Variants in GRM2 observed in about 807,000 individuals in gnomAD.
The protein encoded by GRM2 is metabotropic glutamate receptor 2.
Under a neutral mutation model 60.4 loss-of-function variants are expected in GRM2, and 35 were observed. The ratio of observed to expected loss-of-function variants is 0.58; its 90% CI spans 0.44 to 0.77. The LOEUF is 0.77. GRM2 is among the 30% of genes least tolerant of loss of function. GRM2 has a pLI of 0.00. For missense variants in GRM2, 925 were observed against 1,199.5 expected (o/e 0.77, Z 3.38); for synonymous variants, 437 against 484.1 (o/e 0.90, Z 1.28).
intron 1 of GRM2, chr3:51,708,010 T>G (rs989365969): frequency 1.3e-5 from 2 of 152,222 alleles, no homozygotes; most frequent in Admixed American, 6.6e-5. Flanking sequence ...AAATGGTGAC[T>G]TTCTCTGCTG....
In GRM2 at chr3:51,717,168, A is replaced by G. The variant is rs561863716; in HGVS notation, c.2365-469A>G. On this transcript the variant is annotated intron_variant, in intron 4 of 5. Coordinates refer to ENST00000395052, the MANE Select transcript of GRM2 (RefSeq NM_000839.5). The surrounding 1 kb of genome is among the most constrained non-coding windows in gnomAD (Gnocchi z 6.0). ...CACACAGACATAGCCACATGCATGC[A>G]TGCACACACACATATCCCACATACA... is the stretch of plus-strand genomic sequence containing the variant. Among the ~76,000 whole-genome samples, 382 of 152,056 alleles carry G rather than the reference A, an allele frequency of 2.5e-3. 3 individuals are homozygous for G. Among genetic ancestry groups the G allele is most frequent in the Middle Eastern group, 6.8e-3 (2 of 294 alleles).
In GRM2 at chr3:51,715,433, T is replaced by C. The variant is rs1414848074; in HGVS notation, c.1660T>C (p.Phe554Leu). ...YWPNASLTGC[F>L]ELPQEYIRWG... ...GCCCAATGCCAGCCTGACTGGCTGC[T>C]TCGAACTGCCCCAGGAGTACATCCG... is the stretch of plus-strand genomic sequence containing the variant. Residue 554 changes from phenylalanine to leucine, a missense_variant, in exon 4 of 6, where the codon TTC (phenylalanine) becomes CTC (leucine). Physicochemically the swap from Phe to Leu is conservative, Grantham distance 22. Transcript: ENST00000395052. This position sits in a 1 kb window ranked among gnomAD's most constrained non-coding sequence, Gnocchi z 9.0. 1 of 1,612,880 alleles carries C rather than the reference T, an allele frequency of 6.2e-7. No individual in the cohort carries two copies. The highest frequency in any genetic ancestry group is 8.5e-7 in the Non-Finnish European group (1 of 1,179,886).
At position 51,716,101 on chromosome 3, in the gene GRM2, C is replaced by A. The variant is rs746464200; in HGVS notation, c.2328C>A (p.Phe776Leu). ...MYTTCIIWLA[F>L]LPIFYVTSSD... ...CCACCTGCATCATCTGGCTGGCATT[C>A]CTGCCCATCTTCTATGTCACCTCCA... Residue 776 changes from phenylalanine (F) to leucine (L), a missense_variant, in exon 4 of 6, where the codon TTC becomes TTA. Phe to Leu is a conservative substitution (Grantham distance 22, BLOSUM62 0). Transcript: ENST00000395052. This position sits in a 1 kb window ranked among gnomAD's most constrained non-coding sequence, Gnocchi z 4.0. 2.5e-6 allele frequency: 4 copies of A among 1,614,144 alleles called. No individual in the cohort carries two copies. The South Asian group carries it at 4.4e-5, about 18-fold the overall frequency.
chr3:51,708,974 C>T lies in GRM2; in HGVS notation c.-10C>T. The T allele has an allele frequency of 6.4e-7, 1 of 1,561,492 alleles. No individual in the cohort carries two copies. The highest frequency in any genetic ancestry group is 1.2e-5 in the South Asian group (1 of 84,426). ...CAGGTCTGCGGGACCCATCCATCCC[C>T]TTTGGGGCCATGGGATCGCTGCTTG... On this transcript the variant is annotated 5_prime_UTR_variant, in exon 2 of 6. Coordinates refer to ENST00000395052, the MANE Select transcript of GRM2 (RefSeq NM_000839.5).
At position 51,708,836 on chromosome 3, in the gene GRM2, ATC is replaced by A. The variant is rs1703591582; in HGVS notation, c.-136-6_-136-5del. 1 of 579,364 alleles carries A rather than the reference ATC, an allele frequency of 1.7e-6. No homozygotes were observed. Among genetic ancestry groups the A allele is most frequent in the Non-Finnish European group, 2.9e-6 (1 of 340,112 alleles). The allele number at this position is 579,364 out of a possible 1,614,324, so 35.9% of individuals were successfully genotyped here. A position where few individuals can be genotyped will look rare whatever the true frequency, so the allele number is the denominator to read the frequency against. On this transcript the variant is annotated splice_polypyrimidine_tract_variant and intron_variant, in intron 1 of 5. Transcript: ENST00000395052. The stretch of plus-strand genomic sequence containing the variant: ...TCCTGGTCTGTTTTTCTGTCTTTCT[ATC>A]TCTCTGCAGGAGCTGGGTCCCTTCG...
chr3:51,714,031 G>A (rs898139501), intron 3 of GRM2: 3 of 451,494 alleles, frequency 6.6e-6, no homozygotes, highest in African/African-American at 4.0e-5. Flanking sequence ...AGAAATGACT[G>A]CTGCAGATCA....
rs1365155140 is a variant in GRM2, at chr3:51,718,581, T to C, written c.*469T>C. 1.9e-5 allele frequency: 3 copies of C among 159,312 alleles called. No individual in the cohort carries two copies. The highest frequency in any genetic ancestry group is 4.8e-5 in the African/African-American group (2 of 41,484). 9.9% of individuals were successfully genotyped at this position (159,312 alleles called of 1,614,324 possible). A position where few individuals can be genotyped will look rare whatever the true frequency, so the allele number is the denominator to read the frequency against. On this transcript the variant is annotated 3_prime_UTR_variant, in exon 6 of 6. Transcript: ENST00000395052. The surrounding 1 kb of genome is among the most constrained non-coding windows in gnomAD (Gnocchi z 4.2). ...GTTTGTCCTGTGGTTTATTTTGTAT[T>C]ACCTGTAAATAAAGTGGCTTTATTT...
rs758458084 is a variant in GRM2, at chr3:51,715,931, C to T, written c.2158C>T (p.Arg720Cys). 7.3e-5 allele frequency: 117 copies of T among 1,613,712 alleles called. 1 individual carries two copies. The South Asian group carries it at 7.7e-4, about 11-fold the overall frequency. Residue 720 changes from arginine to cysteine, a missense_variant, in exon 4 of 6, where the codon CGC (arginine) becomes TGC (cysteine). By Grantham distance (180) the Arg-to-Cys change is radical. Coordinates refer to ENST00000395052, the MANE Select transcript of GRM2 (RefSeq NM_000839.5). This position sits in a 1 kb window ranked among gnomAD's most constrained non-coding sequence, Gnocchi z 9.0. ...CGAACGGCGGGAGGTGGTGACACTG[C>T]GCTGCAACCACCGCGATGCAAGTAT... is the stretch of plus-strand genomic sequence containing the variant. ...APERREVVTL[R>C]CNHRDASMLG... is the part of the protein sequence containing the mutation.
At position 51,715,089 on chromosome 3, in the gene GRM2, A is replaced by G. The variant is rs143654927; in HGVS notation, c.1316A>G (p.Asn439Ser). 421 of 1,563,248 alleles carry G rather than the reference A, an allele frequency of 2.7e-4. 2 individuals are homozygous for G. In the East Asian group the frequency reaches 7.9e-3, roughly 29 times the overall value. ...CCCTTTCGCCCAGCTGACACCCACA[A>G]TGAGGTCCGCTTTGACCGCTTTGGT... ...DAPFRPADTHNEVRFDRFGDG... is the reference protein window; with the variant it reads ...DAPFRPADTHSEVRFDRFGDG... Residue 439 changes from asparagine to serine, a missense_variant, in exon 4 of 6, where the codon AAT becomes AGT. Coordinates refer to ENST00000395052, the MANE Select transcript of GRM2 (RefSeq NM_000839.5). This position sits in a 1 kb window ranked among gnomAD's most constrained non-coding sequence, Gnocchi z 9.0.
Position 51,712,370 on chromosome 3 carries a change from C to T in GRM2, c.451-103C>T, listed in dbSNP as rs558735785. The T allele has an allele frequency of 3.9e-4, 300 of 775,178 alleles. 4 individuals carry two copies. In the African/African-American group the frequency reaches 4.5e-3, roughly 12 times the overall value. The allele number at this position is 775,178 out of a possible 1,614,324, so 48.0% of individuals were successfully genotyped here. Reference sequence around the variant, plus strand: ...TTAGAGAGGGAGCCTTTAGGCCTGACCTTGTGGACACTTGACACCAAGACC... The same window carrying T: ...TTAGAGAGGGAGCCTTTAGGCCTGATCTTGTGGACACTTGACACCAAGACC... On this transcript the variant is annotated intron_variant, in intron 2 of 5. Coordinates refer to ENST00000395052, the MANE Select transcript of GRM2 (RefSeq NM_000839.5). The surrounding 1 kb of genome is among the most constrained non-coding windows in gnomAD (Gnocchi z 5.3).
intron 2 of GRM2, among the ~76,000 whole-genome samples, chr3:51,711,075 C>G (rs1027045266): frequency 2.0e-5 from 3 of 152,240 alleles, no homozygotes; most frequent in African/African-American, 7.2e-5. Context: ...TCAGAGAACC[C>G]TGGAGTCAGC....
chr3:51,708,812 C>A (rs1415543597), intron 1 of GRM2, 36 bp from the exon 2 acceptor site: 2 of 550,316 alleles, frequency 3.6e-6, no homozygotes. Flanking sequence ...TTCCACTTTT[C>A]CTGGTCTGTT....
At position 51,712,936 on chromosome 3, in the gene GRM2, C is replaced by T; in HGVS notation, c.914C>T (p.Ala305Val). 6.2e-7 allele frequency: 1 copy of T among 1,613,066 alleles called. No homozygotes were observed. The highest frequency in any genetic ancestry group is 8.5e-7 in the Non-Finnish European group (1 of 1,179,992). Residue 305 changes from alanine (A) to valine (V), a missense_variant, in exon 3 of 6, where the codon GCA becomes GTA. By Grantham distance (64) the Ala-to-Val change is moderately conservative (BLOSUM62 0). Coordinates refer to ENST00000395052, the MANE Select transcript of GRM2 (RefSeq NM_000839.5). This position sits in a 1 kb window ranked among gnomAD's most constrained non-coding sequence, Gnocchi z 5.3. Reference protein sequence around the residue: ...DGWGALESVVAGSEGAAEGAI... With the variant: ...DGWGALESVVVGSEGAAEGAI... ...TGGGGGGCCCTGGAGAGTGTGGTGG[C>T]AGGCAGTGAGGGGGCTGCTGAGGGT...
At chr3:51,709,568 A>G (rs944850612) in intron 2 of GRM2, 135 bp downstream of exon 2, 6 of 634,526 alleles carry the variant, frequency 9.5e-6, no homozygotes, top group African/African-American at 7.4e-5. Flanking sequence ...TAGCTTTTAC[A>G]GAAGCTAAGA....
rs1393184263 is a variant in GRM2, at chr3:51,717,653, T to C, written c.2381T>C (p.Met794Thr). 4 of 1,613,652 alleles carry C rather than the reference T, an allele frequency of 2.5e-6. No individual in the cohort carries two copies. The highest frequency in any genetic ancestry group is 2.5e-6 in the Non-Finnish European group (3 of 1,179,922). ...CCACCGCAGGTACAGACCACCACCA[T>C]GTGCGTGTCAGTCAGCCTCAGCGGC... is the stretch of plus-strand genomic sequence containing the variant. The part of the protein sequence containing the change: ...SSDYRVQTTT[M>T]CVSVSLSGSV... The change falls in exon 5 of 6, where the codon ATG (methionine) becomes ACG (threonine). Residue 794 changes from methionine (M) to threonine (T), a missense_variant. Met to Thr is a moderately conservative substitution (Grantham distance 81). Coordinates refer to ENST00000395052, the MANE Select transcript of GRM2 (RefSeq NM_000839.5). This position sits in a 1 kb window ranked among gnomAD's most constrained non-coding sequence, Gnocchi z 6.0.
rs1201963851 is a variant in GRM2, at chr3:51,709,052, G to A, written c.69G>A (p.Lys23=). Residue 23 remains lysine (K), a synonymous_variant, in exon 2 of 6, where the codon AAG becomes AAA. Coordinates refer to ENST00000395052, the MANE Select transcript of GRM2 (RefSeq NM_000839.5). ...LWGAVAEGPA[K]KVLTLEGDLV... is the part of the protein sequence containing the mutation. ...GTGCTGTGGCTGAGGGCCCAGCCAA[G>A]AAGGTGCTGACCCTGGAGGGAGACT... 3.1e-6 allele frequency: 5 copies of A among 1,604,104 alleles called. 1 individual carries two copies. The South Asian group carries it at 3.3e-5, about 11-fold the overall frequency.
intron 2 of GRM2, among the ~76,000 whole-genome samples, chr3:51,710,153 C>A (rs767737182): frequency 3.4e-4 from 52 of 152,036 alleles, no homozygotes; most frequent in Non-Finnish European, 7.4e-4. Flanking sequence ...CCATGCCCGG[C>A]TAATTTTTGT....
chr3:51,717,266 CACAT>C lies in GRM2; in HGVS notation c.2365-367_2365-364del, dbSNP rs1249295619. Among the ~76,000 whole-genome samples the C allele has an allele frequency of 6.6e-6, 1 of 152,130 alleles. No individual in the cohort carries two copies. Among genetic ancestry groups the C allele is most frequent in the East Asian group, 1.9e-4 (1 of 5,196 alleles). On this transcript the variant is annotated intron_variant, in intron 4 of 5. Coordinates refer to ENST00000395052, the MANE Select transcript of GRM2 (RefSeq NM_000839.5). The surrounding 1 kb of genome is among the most constrained non-coding windows in gnomAD (Gnocchi z 6.0). ...TACCCATGCACCCTACACTCACGCA[CACAT>C]ACACTCACGCAGACACCTGCAGAAA...
chr3:51,717,451 T>C lies in GRM2; in HGVS notation c.2365-186T>C, dbSNP rs919563240. 3.3e-5 allele frequency among the ~76,000 whole-genome samples: 5 copies of C among 152,094 alleles called. No homozygotes were observed. The highest frequency in any genetic ancestry group is 3.3e-4 in the Admixed American group (5 of 15,300). On this transcript the variant is annotated intron_variant, in intron 4 of 5. Coordinates refer to ENST00000395052, the MANE Select transcript of GRM2 (RefSeq NM_000839.5). This position sits in a 1 kb window ranked among gnomAD's most constrained non-coding sequence, Gnocchi z 6.0. ...TGGAACTCTTGTCACCCTGGGAAAATGGTCTGGGTCTGATGCTGGGACTGT... is the reference window on the plus strand; with the variant it reads ...TGGAACTCTTGTCACCCTGGGAAAACGGTCTGGGTCTGATGCTGGGACTGT...
Sources: allele counts gnomAD v4.1 joint callset (sites outside exome capture counted in the v4.1 genomes callset), GRCh38; gene constraint gnomAD v4.1.1; non-coding constraint Gnocchi (gnomAD v3.1); transcripts MANE v1.5; gene names NCBI Gene and HGNC (gene_info 2026-07-23, HGNC 2026-07-21).